Variants in SPAG16 observed in about 807,000 individuals in gnomAD.
SPAG16 encodes sperm-associated antigen 16 protein.
Under a neutral mutation model 80.4 loss-of-function variants are expected in SPAG16, and 86 were observed. The ratio of observed to expected loss-of-function variants is 1.07; its 90% CI spans 0.90 to 1.28. The LOEUF is 1.28. Ranked by LOEUF, SPAG16 falls within the 50% of genes most tolerant of loss-of-function variation. SPAG16 has a pLI of 0.00. For missense variants in SPAG16, 870 were observed against 765.3 expected (o/e 1.14, Z -1.61); for synonymous variants, 294 against 265.9 (o/e 1.11, Z -1.03).
intron 7 of SPAG16, among the ~76,000 whole-genome samples, chr2:213,352,601 T>C (rs1221505055): frequency 6.6e-6 from 1 of 152,244 alleles, no homozygotes; most frequent in African/African-American, 2.4e-5. Context: ...ATTCCAGTTG[T>C]GTTGTAAAAC....
chr2:213,952,537 ATT>A (rs2079843120), intron 12 of SPAG16, among the ~76,000 whole-genome samples: 1 of 152,134 alleles, frequency 6.6e-6, no homozygotes, highest in African/African-American at 2.4e-5. Flanking sequence ...GCAAAATTAA[ATT>A]TGTCTGAAGA....
In SPAG16 at chr2:214,089,525, A is replaced by G. The variant is rs1232579275; in HGVS notation, c.1528-18671A>G. 2.0e-5 allele frequency among the ~76,000 whole-genome samples: 3 copies of G among 151,990 alleles called. No individual in the cohort carries two copies. The East Asian group carries it at 5.8e-4, about 29-fold the overall frequency. On this transcript the variant is annotated intron_variant, in intron 13 of 15. Coordinates refer to ENST00000331683, the MANE Select transcript of SPAG16 (RefSeq NM_024532.5). Reference sequence around the variant, plus strand: ...ATACATGCTTCGGACCTTTCTCTACAGTGTTTCTAAGCCTCTTTATCCTGG... The same window carrying G: ...ATACATGCTTCGGACCTTTCTCTACGGTGTTTCTAAGCCTCTTTATCCTGG...
intron 15 of SPAG16, among the ~76,000 whole-genome samples, chr2:214,385,347 G>A (rs541448821): frequency 2.0e-5 from 3 of 152,040 alleles, no homozygotes; most frequent in Non-Finnish European, 4.4e-5. Context: ...CCCAGCACAC[G>A]GTCAACATTA....
At chr2:213,623,594 T>C (rs896010041) in intron 10 of SPAG16, among the ~76,000 whole-genome samples, 9 of 152,182 alleles carry the variant, frequency 5.9e-5, no homozygotes, top group African/African-American at 1.9e-4. Context: ...TAATGGATGA[T>C]GTGCATTGAT....
intron 12 of SPAG16, among the ~76,000 whole-genome samples, chr2:213,994,728 T>G (rs2046437299): frequency 6.6e-6 from 1 of 152,166 alleles, no homozygotes; most frequent in South Asian, 2.1e-4. Context: ...TTCTCCATAT[T>G]ACAGCTATAA....
At chr2:213,335,059 T>C (rs1376699613) in intron 5 of SPAG16, among the ~76,000 whole-genome samples, 3 of 152,202 alleles carry the variant, frequency 2.0e-5, no homozygotes, top group African/African-American at 7.2e-5. Context: ...TCCATGAATA[T>C]ATACATCTAC....
Position 214,128,511 on chromosome 2 carries a change from T to C in SPAG16, c.1593+20250T>C, listed in dbSNP as rs1223536843. Reference sequence around the variant, plus strand: ...TATATTTACCCTCAACTTTGGCCAGTTCCAAGATTGCTGTGCCAAAATCAA... The same window carrying C: ...TATATTTACCCTCAACTTTGGCCAGCTCCAAGATTGCTGTGCCAAAATCAA... On this transcript the variant is annotated intron_variant, in intron 14 of 15. Transcript: ENST00000331683. Among the ~76,000 whole-genome samples the C allele has an allele frequency of 2.0e-5, 3 of 151,804 alleles. No individual in the cohort carries two copies. The East Asian group carries it at 5.8e-4, about 29-fold the overall frequency.
chr2:213,303,854 T>C (rs1230265750), intron 3 of SPAG16, among the ~76,000 whole-genome samples: 1 of 152,164 alleles, frequency 6.6e-6, no homozygotes, highest in African/African-American at 2.4e-5. Context: ...AGTGCAGATA[T>C]ATTTTCGATA....
chr2:213,937,664 C>T (rs1164279946), intron 12 of SPAG16, among the ~76,000 whole-genome samples: 1 of 151,848 alleles, frequency 6.6e-6, no homozygotes, highest in African/African-American at 2.4e-5. Context: ...CCTTTCCCCC[C>T]CAAAAGTGCA....
At chr2:213,704,957 A>C (rs1346367334) in intron 10 of SPAG16, among the ~76,000 whole-genome samples, 1 of 152,228 alleles carries the variant, frequency 6.6e-6, no homozygotes, top group East Asian at 1.9e-4. Flanking sequence ...GAATTAGAAA[A>C]AAAAAATTAA....
At chr2:213,678,593 A>G (rs150480178) in intron 10 of SPAG16, among the ~76,000 whole-genome samples, 4 of 152,294 alleles carry the variant, frequency 2.6e-5, no homozygotes, top group Non-Finnish European at 4.4e-5. Context: ...TATGCCGGAA[A>G]CTGCCTTGTT....
intron 15 of SPAG16, among the ~76,000 whole-genome samples, chr2:214,320,421 A>T (rs1696013751): frequency 6.6e-6 from 1 of 152,166 alleles, no homozygotes; most frequent in Non-Finnish European, 1.5e-5. Flanking sequence ...GTTTGTCTAC[A>T]TTCCTCCTGT....
intron 10 of SPAG16, among the ~76,000 whole-genome samples, chr2:213,675,532 G>C (rs2064019112): frequency 6.6e-6 from 1 of 152,158 alleles, no homozygotes; most frequent in Admixed American, 6.6e-5. Flanking sequence ...TAACATTTAA[G>C]TCTTTAATCC....
intron 5 of SPAG16, among the ~76,000 whole-genome samples, chr2:213,322,155 T>C (rs1236750114): frequency 6.6e-6 from 1 of 151,496 alleles, no homozygotes; most frequent in African/African-American, 2.4e-5. Context: ...TTTCACAGTT[T>C]AGACACTATA....
At chr2:214,364,476 T>C (rs537519889) in intron 15 of SPAG16, among the ~76,000 whole-genome samples, 1 of 152,258 alleles carries the variant, frequency 6.6e-6, no homozygotes, top group East Asian at 1.9e-4. Flanking sequence ...TGCTACTGTT[T>C]GCCTTATTTT....
At chr2:214,189,443 A>T (rs1451449835) in intron 15 of SPAG16, among the ~76,000 whole-genome samples, 1 of 152,088 alleles carries the variant, frequency 6.6e-6, no homozygotes, top group Non-Finnish European at 1.5e-5. Flanking sequence ...GCTGCAAGTA[A>T]TGTTGAGAAG....
At chr2:213,319,659 C>T (rs1425821342) in intron 5 of SPAG16, among the ~76,000 whole-genome samples, 1 of 151,908 alleles carries the variant, frequency 6.6e-6, no homozygotes, top group African/African-American at 2.4e-5. Flanking sequence ...TTCCTGATCT[C>T]CTTTGAATTA....
intron 13 of SPAG16, among the ~76,000 whole-genome samples, chr2:214,023,549 T>G (rs1477326069): frequency 1.3e-5 from 2 of 151,886 alleles, no homozygotes; most frequent in Non-Finnish European, 3.0e-5. Flanking sequence ...AAATCAGATG[T>G]TTTGCTTTTA....
At chr2:213,768,751 T>C (rs1559453499) in intron 10 of SPAG16, among the ~76,000 whole-genome samples, 1 of 152,088 alleles carries the variant, frequency 6.6e-6, no homozygotes, top group Non-Finnish European at 1.5e-5. Flanking sequence ...AAGATCTGAG[T>C]TGTGGCTATA....
Sources: gnomAD v4.1 joint callset for allele counts (sites outside exome capture counted in the v4.1 genomes callset) on GRCh38, gnomAD v4.1.1 for gene constraint, MANE v1.5 for transcripts, NCBI Gene and HGNC (gene_info 2026-07-23, HGNC 2026-07-21) for gene names.